The following C12orf42 variants were observed in gnomAD, a reference collection of about 807,000 sequenced individuals.
C12orf42 encodes chromosome 12 open reading frame 42, also known as uncharacterized protein C12orf42.
Under a neutral mutation model 21.6 loss-of-function variants are expected in C12orf42, and 25 were observed. The ratio of observed to expected loss-of-function variants is 1.16; its 90% CI spans 0.84 to 1.62. The LOEUF (loss-of-function observed/expected upper bound fraction) is 1.62, where lower values mean the gene tolerates loss of function less well. Ranked by LOEUF, C12orf42 falls within the 40% of genes most tolerant of loss-of-function variation. The pLI is 0.00. For missense variants in C12orf42, 483 were observed against 459.3 expected (o/e 1.05, Z -0.47); for synonymous variants, 174 against 175.0 (o/e 0.99, Z 0.05).
the C12orf42 span, among the ~76,000 whole-genome samples, chr12:103,073,034 T>C: frequency 0.012 from 1,798 of 152,256 alleles, 42 homozygotes; most frequent in African/African-American, 0.041. Context: ...TGCCAGGACA[T>C]GGATGGAGCT....
chr12:103,477,399 G>A (rs1954139556), intron 2 of C12orf42, among the ~76,000 whole-genome samples: 1 of 152,000 alleles, frequency 6.6e-6, no homozygotes, highest in Admixed American at 6.6e-5. Context: ...AGTAAGCAGG[G>A]GAAGGGGACA....
chr12:103,127,732 C>T, the C12orf42 span, among the ~76,000 whole-genome samples: 7 of 152,248 alleles, frequency 4.6e-5, no homozygotes, highest in South Asian at 2.1e-4. Flanking sequence ...CACCTCCCTA[C>T]GACACATAAT....
chr12:103,216,057 T>C, the C12orf42 span, among the ~76,000 whole-genome samples: 39 of 152,218 alleles, frequency 2.6e-4, no homozygotes, highest in African/African-American at 9.4e-4. Flanking sequence ...CTCCCAGTTG[T>C]GGTCAAAGTC....
At chr12:103,385,859 G>T (rs1443325747) in intron 3 of C12orf42, among the ~76,000 whole-genome samples, 1 of 152,148 alleles carries the variant, frequency 6.6e-6, no homozygotes, top group African/African-American at 2.4e-5. Context: ...TTTGGTGATG[G>T]ATATAAAGAG....
chr12:103,277,604 A>ATTTTCT (rs575550676), intron 4 of C12orf42, among the ~76,000 whole-genome samples: 22 of 151,138 alleles, frequency 1.5e-4, no homozygotes, highest in Admixed American at 4.6e-4. Flanking sequence ...GATGGGCACA[A>ATTTTCT]TTTTCTTTTT....
At chr12:103,263,589 T>C (rs993188186), downstream of C12orf42, among the ~76,000 whole-genome samples, 4 of 152,110 alleles carry the variant, frequency 2.6e-5, no homozygotes, top group African/African-American at 9.7e-5. Context: ...GAGCCCTACA[T>C]GCTCCTGGCA....
the C12orf42 span, among the ~76,000 whole-genome samples, chr12:103,221,030 C>A: frequency 6.6e-6 from 1 of 152,160 alleles, no homozygotes; most frequent in Non-Finnish European, 1.5e-5. Flanking sequence ...TTGTTGCTGA[C>A]GATTAGCAGG....
chr12:103,327,961 T>C (rs113166375), intron 4 of C12orf42, among the ~76,000 whole-genome samples: 2 of 152,200 alleles, frequency 1.3e-5, no homozygotes, highest in Non-Finnish European at 2.9e-5. Flanking sequence ...TATTTTGCAC[T>C]GAAAATTCCA....
At chr12:103,298,506 A>G (rs552286866), downstream of C12orf42, among the ~76,000 whole-genome samples, 23 of 152,356 alleles carry the variant, frequency 1.5e-4, no homozygotes, top group Non-Finnish European at 2.2e-4. Flanking sequence ...GGAAGAATCA[A>G]TATCGTGAAA....
the C12orf42 span, among the ~76,000 whole-genome samples, chr12:103,077,432 G>C: frequency 1.3e-5 from 2 of 152,186 alleles, no homozygotes; most frequent in Admixed American, 1.3e-4. Flanking sequence ...TTTATGCATA[G>C]AGACTAAGCT....
chr12:103,119,697 C>T, the C12orf42 span, among the ~76,000 whole-genome samples: 1 of 152,188 alleles, frequency 6.6e-6, no homozygotes, highest in African/African-American at 2.4e-5. Flanking sequence ...AGCCCAACAC[C>T]TGGCATATAT....
exon 7 of C12orf42, chr12:103,268,664 G>A (rs1308052658): frequency 3.3e-5 from 5 of 152,044 alleles, no homozygotes; most frequent in South Asian, 4.1e-4. Flanking sequence ...GAGAGTGCAG[G>A]TGTTTAAGCA....
At chr12:103,143,802 T>G in the C12orf42 span, among the ~76,000 whole-genome samples, 1 of 152,238 alleles carries the variant, frequency 6.6e-6, no homozygotes, top group Non-Finnish European at 1.5e-5. Flanking sequence ...AACCAAACAC[T>G]GATTAAGAGC....
chr12:103,243,499 T>C (rs1272197163), intron 10 of C12orf42, among the ~76,000 whole-genome samples: 2 of 152,100 alleles, frequency 1.3e-5, no homozygotes, highest in Non-Finnish European at 2.9e-5. Context: ...ATTGTAATTA[T>C]TAAAATAATT....
the C12orf42 span, among the ~76,000 whole-genome samples, chr12:103,131,796 T>C: frequency 6.6e-6 from 1 of 151,850 alleles, no homozygotes; most frequent in Non-Finnish European, 1.5e-5. Flanking sequence ...TGTTGAGGGG[T>C]GATGTTGTTG....
intron 2 of C12orf42, among the ~76,000 whole-genome samples, chr12:103,440,457 C>CAAAAAAAAAAAAAAAAAAAAAAAAAACA: frequency 1.4e-5 from 1 of 69,666 alleles, no homozygotes; most frequent in African/African-American, 6.1e-5. Context: ...TCACAGATAC[C>CAAAAAAAAAAAAAAAAAAAAAAAAAACA]AAAAAAAAAA....
chr12:103,180,948 T>C, the C12orf42 span, among the ~76,000 whole-genome samples: 1 of 152,022 alleles, frequency 6.6e-6, no homozygotes, highest in Non-Finnish European at 1.5e-5. Context: ...CTTTTTATAC[T>C]TTGACCTAAC....
the C12orf42 span, among the ~76,000 whole-genome samples, chr12:103,058,048 C>T: frequency 7.2e-5 from 11 of 151,918 alleles, no homozygotes; most frequent in African/African-American, 2.4e-4. Flanking sequence ...CTCTGCCTCC[C>T]TTGTTCAAGC....
At chr12:103,418,832 ATT>A (rs71438496) in intron 2 of C12orf42, among the ~76,000 whole-genome samples, 2 of 143,680 alleles carry the variant, frequency 1.4e-5, no homozygotes, top group Non-Finnish European at 1.5e-5. Context: ...ATTCCGTTAA[ATT>A]TTTTTTTTTT....
Sources: gnomAD v4.1 joint callset for allele counts (sites outside exome capture counted in the v4.1 genomes callset) on GRCh38, gnomAD v4.1.1 for gene constraint, MANE v1.5 for transcripts, NCBI Gene and HGNC (gene_info 2026-07-23, HGNC 2026-07-21) for gene names.